CSMD1: variants seen among roughly 807,000 people sequenced by gnomAD.
CSMD1 encodes CUB and sushi domain-containing protein 1.
Under a neutral mutation model 417.5 loss-of-function variants are expected in CSMD1, and 213 were observed. That is an observed-to-expected ratio of 0.51 (90% CI 0.46 to 0.57). The LOEUF (loss-of-function observed/expected upper bound fraction) is 0.57, where lower values mean the gene tolerates loss of function less well. CSMD1 is among the 20% of genes least tolerant of loss of function. The pLI is 0.00. For synonymous variants in CSMD1, 2,862 were observed against 1,736.8 expected, an observed-to-expected ratio of 1.65 and a Z score of -16.11; for missense variants, 6,923 against 4,529.7, an observed-to-expected ratio of 1.53 and a Z score of -15.17.
chr8:4,497,288 C>T (rs138445765), intron 2 of CSMD1, among the ~76,000 whole-genome samples: 2 of 152,250 alleles, frequency 1.3e-5, no homozygotes, highest in African/African-American at 4.8e-5. Context: ...CTTTGCAACC[C>T]AAAGCAAGGA....
intron 8 of CSMD1, among the ~76,000 whole-genome samples, chr8:3,615,050 T>G (rs527567264): frequency 1.3e-5 from 2 of 152,292 alleles, no homozygotes; most frequent in African/African-American, 4.8e-5. Context: ...TCAAAAGAGA[T>G]AAAATTCCTG....
At chr8:4,560,019 T>C (rs57280574) in intron 2 of CSMD1, among the ~76,000 whole-genome samples, 5,339 of 152,320 alleles carry the variant, frequency 0.035, 94 homozygotes, top group African/African-American at 0.053. Flanking sequence ...TGGTCAGAAA[T>C]GCAGTTGACA....
chr8:3,798,496 G>T (rs964115336), intron 5 of CSMD1, among the ~76,000 whole-genome samples: 5 of 152,004 alleles, frequency 3.3e-5, no homozygotes, highest in Admixed American at 2.6e-4. Context: ...ACTGCAGAAG[G>T]TCAAAAGGTG....
chr8:4,433,349 T>C (rs1202812773), intron 2 of CSMD1, among the ~76,000 whole-genome samples: 3 of 152,122 alleles, frequency 2.0e-5, no homozygotes, highest in Non-Finnish European at 2.9e-5. Context: ...GGGACTGCTA[T>C]TATATACAAC....
chr8:4,185,499 A>C (rs1033517835), intron 3 of CSMD1, among the ~76,000 whole-genome samples: 1 of 152,208 alleles, frequency 6.6e-6, no homozygotes, highest in African/African-American at 2.4e-5. Context: ...AGGGAATCCG[A>C]AAACACTATT....
chr8:3,966,782 T>C (rs567929299), intron 5 of CSMD1, among the ~76,000 whole-genome samples: 3 of 152,106 alleles, frequency 2.0e-5, no homozygotes, highest in South Asian at 4.2e-4. Context: ...CACTGATTTA[T>C]AGGTCTTAGA....
chr8:3,555,574 G>T (rs1010726255), intron 10 of CSMD1, among the ~76,000 whole-genome samples: 1 of 152,114 alleles, frequency 6.6e-6, no homozygotes, highest in African/African-American at 2.4e-5. Flanking sequence ...AAGCTTTTGT[G>T]TAAGTTTAGC....
intron 1 of CSMD1, among the ~76,000 whole-genome samples, chr8:4,669,033 A>G (rs911147331): frequency 6.6e-6 from 1 of 152,076 alleles, no homozygotes; most frequent in Non-Finnish European, 1.5e-5. Context: ...TTGAAATATT[A>G]CTTTCATCTT....
At chr8:4,002,478 C>T (rs1815764994) in intron 4 of CSMD1, among the ~76,000 whole-genome samples, 1 of 152,106 alleles carries the variant, frequency 6.6e-6, no homozygotes, top group South Asian at 2.1e-4. Flanking sequence ...ATCTATGAAG[C>T]TCTACAGGAT....
At chr8:4,649,710 T>G (rs1298031414) in intron 1 of CSMD1, among the ~76,000 whole-genome samples, 1 of 152,264 alleles carries the variant, frequency 6.6e-6, no homozygotes, top group East Asian at 1.9e-4. Context: ...AACGTTTTTG[T>G]GTATCTGAGC....
Position 4,391,666 on chromosome 8 carries a change from C to G in CSMD1, c.415+28287G>C, listed in dbSNP as rs114043181. 2.0e-3 allele frequency among the ~76,000 whole-genome samples: 302 copies of G among 152,166 alleles called. 1 individual carries two copies. The highest frequency in any genetic ancestry group is 7.0e-3 in the African/African-American group (292 of 41,512). ...GGTTGACTGGTGAGAAGTGGGAAGACGGCTTACTTCCACTTAGCTCTTCGC... is the reference window on the plus strand; with the variant it reads ...GGTTGACTGGTGAGAAGTGGGAAGAGGGCTTACTTCCACTTAGCTCTTCGC... On this transcript the variant is annotated intron_variant, in intron 3 of 69. Coordinates refer to ENST00000635120, the MANE Select transcript of CSMD1 (RefSeq NM_033225.6).
chr8:4,643,208 T>C (rs79264955), intron 1 of CSMD1, among the ~76,000 whole-genome samples: 3,863 of 152,324 alleles, frequency 0.025, 126 homozygotes, highest in East Asian at 0.1. Flanking sequence ...CACTGGCTCC[T>C]TTCTAAAACA....
Position 3,803,844 on chromosome 8 carries a change from C to T in CSMD1, c.819-49802G>A, listed in dbSNP as rs1319421276. 1.3e-5 allele frequency among the ~76,000 whole-genome samples: 2 copies of T among 152,130 alleles called. 1 individual carries two copies. The highest frequency in any genetic ancestry group is 1.3e-4 in the Admixed American group (2 of 15,262). ...ACTGTAGACACCTTAATAAACATGG[C>T]AAAGAGGTGTGAAGCTACTGAGGAG... On this transcript the variant is annotated intron_variant, in intron 5 of 69. Coordinates refer to ENST00000635120, the MANE Select transcript of CSMD1 (RefSeq NM_033225.6).
chr8:4,959,606 G>A (rs983161905), intron 1 of CSMD1, among the ~76,000 whole-genome samples: 2 of 152,232 alleles, frequency 1.3e-5, no homozygotes. Context: ...GCATTGAGCA[G>A]GCTTCCTGGC....
chr8:3,206,737 T>G (rs1001595688), intron 30 of CSMD1, among the ~76,000 whole-genome samples: 1 of 150,844 alleles, frequency 6.6e-6, no homozygotes, highest in South Asian at 2.1e-4. Context: ...TGTCTTAATT[T>G]TCCCCCAGTT....
At chr8:4,100,897 A>G (rs924625039) in intron 3 of CSMD1, among the ~76,000 whole-genome samples, 1 of 152,224 alleles carries the variant, frequency 6.6e-6, no homozygotes, top group African/African-American at 2.4e-5. Context: ...TACAAGAAAT[A>G]AAGAACAGAA....
At chr8:4,365,605 G>A (rs908656332) in intron 3 of CSMD1, among the ~76,000 whole-genome samples, 4 of 152,162 alleles carry the variant, frequency 2.6e-5, no homozygotes, top group African/African-American at 9.7e-5. Context: ...TTCTGTCTTT[G>A]TACTTGATTT....
At chr8:3,562,794 G>A (rs995605269) in intron 10 of CSMD1, among the ~76,000 whole-genome samples, 1 of 151,878 alleles carries the variant, frequency 6.6e-6, no homozygotes, top group African/African-American at 2.4e-5. Flanking sequence ...AGGGGGAAGA[G>A]GATCGAGAAA....
chr8:4,407,274 G>A lies in CSMD1; in HGVS notation c.415+12679C>T, dbSNP rs143914203. ...TGTTTAAAAAATGACCTTAACTTTTGGAGTAATTTCATAGGAATAAAATCA... is the reference window on the plus strand; with the variant it reads ...TGTTTAAAAAATGACCTTAACTTTTAGAGTAATTTCATAGGAATAAAATCA... On this transcript the variant is annotated intron_variant, in intron 3 of 69. Transcript: ENST00000635120. Among the ~76,000 whole-genome samples the A allele has an allele frequency of 2.2e-4, 33 of 152,196 alleles. No homozygotes were observed. In the East Asian group the frequency reaches 4.3e-3, roughly 20 times the overall value.
Sources: allele counts gnomAD v4.1 joint callset (sites outside exome capture counted in the v4.1 genomes callset), GRCh38; gene constraint gnomAD v4.1.1; transcripts MANE v1.5; gene names NCBI Gene and HGNC (gene_info 2026-07-23, HGNC 2026-07-21).